Variants in ETV6 observed in about 807,000 individuals in gnomAD.
ETV6 encodes the protein ETS variant transcription factor 6, also known as transcription factor ETV6.
A neutral mutation model predicts 51.1 loss-of-function variants in ETV6; 16 were observed. The ratio of observed to expected loss-of-function variants is 0.31; its 90% CI spans 0.21 to 0.48. The LOEUF (loss-of-function observed/expected upper bound fraction) is 0.48, where lower values mean the gene tolerates loss of function less well. Ranked by LOEUF, ETV6 falls within the 20% of genes least tolerant of loss-of-function variation. The pLI is 0.99. For missense variants in ETV6, 458 were observed against 594.8 expected, an observed-to-expected ratio of 0.77 and a Z score of 2.39; for synonymous variants, 240 against 224.1, an observed-to-expected ratio of 1.07 and a Z score of -0.64.
At chr12:11,859,320 T>C (rs1272741965) in intron 4 of ETV6, among the ~76,000 whole-genome samples, 1 of 151,654 alleles carries the variant, frequency 6.6e-6, no homozygotes, top group Admixed American at 6.6e-5. Context: ...TTTTTGTATT[T>C]TTAGTAGAGA....
At chr12:11,846,464 A>G (rs991827545) in intron 3 of ETV6, among the ~76,000 whole-genome samples, 1 of 152,260 alleles carries the variant, frequency 6.6e-6, no homozygotes, top group East Asian at 1.9e-4. Context: ...GGCTCTAGGT[A>G]GCATTGCAGA....
chr12:11,894,493 G>T lies in ETV6; in HGVS notation c.*3447G>T. 4.3e-6 allele frequency: 1 copy of T among 233,076 alleles called. No homozygotes were observed. The highest frequency in any genetic ancestry group is 8.5e-6 in the Non-Finnish European group (1 of 118,014). The allele number at this position is 233,076 out of a possible 1,614,324, so 14.4% of individuals were successfully genotyped here. The stretch of plus-strand genomic sequence containing the variant: ...GTTCCAAATCCTTTAGGGAGATGAG[G>T]GTATCCCCACAGAAAAAGAGGAATA... On this transcript the variant is annotated 3_prime_UTR_variant, in exon 8 of 8. Coordinates refer to ENST00000396373, the MANE Select transcript of ETV6 (RefSeq NM_001987.5).
intron 2 of ETV6, among the ~76,000 whole-genome samples, chr12:11,753,393 A>G (rs1457938019): frequency 6.6e-6 from 1 of 152,188 alleles, no homozygotes; most frequent in East Asian, 1.9e-4. Flanking sequence ...GGGCAGCTGG[A>G]GAGACTGAAT....
intron 2 of ETV6, among the ~76,000 whole-genome samples, chr12:11,831,621 A>G (rs571880866): frequency 1.3e-5 from 2 of 152,314 alleles, no homozygotes; most frequent in Admixed American, 6.5e-5. Flanking sequence ...TATCACCTAC[A>G]ATTTTACTGA....
chr12:11,807,315 C>T (rs1291122571), intron 2 of ETV6, among the ~76,000 whole-genome samples: 3 of 152,140 alleles, frequency 2.0e-5, no homozygotes, highest in Non-Finnish European at 4.4e-5. Context: ...TGGTAGTATA[C>T]GCCAACATCA....
At chr12:11,787,903 C>T (rs1945512722) in intron 2 of ETV6, among the ~76,000 whole-genome samples, 1 of 152,060 alleles carries the variant, frequency 6.6e-6, no homozygotes, top group African/African-American at 2.4e-5. Context: ...AGAGGAGAAA[C>T]CTCCCTATAG....
chr12:11,722,710 G>A (rs1378248578), intron 1 of ETV6, among the ~76,000 whole-genome samples: 2 of 152,218 alleles, frequency 1.3e-5, no homozygotes, highest in African/African-American at 4.8e-5. Context: ...CCTAAACTGA[G>A]AGAAATGGAC....
chr12:11,713,944 A>G (rs1461434285), intron 1 of ETV6, among the ~76,000 whole-genome samples: 3 of 152,246 alleles, frequency 2.0e-5, no homozygotes, highest in Non-Finnish European at 2.9e-5. Context: ...GTTCTAGTCT[A>G]GAACCTTACT....
chr12:11,662,658 T>C (rs940373668), intron 1 of ETV6, among the ~76,000 whole-genome samples: 2 of 152,194 alleles, frequency 1.3e-5, no homozygotes, highest in Non-Finnish European at 2.9e-5. Context: ...TGAATGTGAG[T>C]TCACAACCCC....
intron 5 of ETV6, among the ~76,000 whole-genome samples, chr12:11,883,450 T>C (rs1473778458): frequency 6.6e-6 from 1 of 151,800 alleles, no homozygotes; most frequent in Non-Finnish European, 1.5e-5. Flanking sequence ...CACGCCACCA[T>C]GCCTGGCTAA....
At chr12:11,702,475 C>A (rs1251238771) in intron 1 of ETV6, among the ~76,000 whole-genome samples, 1 of 152,184 alleles carries the variant, frequency 6.6e-6, no homozygotes, top group Non-Finnish European at 1.5e-5. Context: ...TCATAGTCTT[C>A]ATGGGCTAAG....
At chr12:11,754,279 C>G (rs1299165668) in intron 2 of ETV6, among the ~76,000 whole-genome samples, 1 of 152,124 alleles carries the variant, frequency 6.6e-6, no homozygotes, top group Non-Finnish European at 1.5e-5. Context: ...GAAAAAACTC[C>G]CCTGCTCTTG....
At chr12:11,873,207 C>T (rs1371247243) in intron 5 of ETV6, among the ~76,000 whole-genome samples, 1 of 152,204 alleles carries the variant, frequency 6.6e-6, no homozygotes, top group African/African-American at 2.4e-5. Flanking sequence ...AGGACTGAAT[C>T]ATCCCTAAAG....
chr12:11,801,589 T>C (rs189852636), intron 2 of ETV6, among the ~76,000 whole-genome samples: 19 of 152,356 alleles, frequency 1.2e-4, no homozygotes, highest in Admixed American at 4.6e-4. Context: ...AATACTGTTA[T>C]GGTTAAGCTA....
At chr12:11,736,240 A>C (rs764178810) in intron 1 of ETV6, among the ~76,000 whole-genome samples, 1 of 152,196 alleles carries the variant, frequency 6.6e-6, no homozygotes, top group Non-Finnish European at 1.5e-5. Flanking sequence ...TTCACCAGAC[A>C]ATTGTTGAGT....
At chr12:11,813,175 C>T (rs1164023088) in intron 2 of ETV6, among the ~76,000 whole-genome samples, 3 of 152,236 alleles carry the variant, frequency 2.0e-5, no homozygotes, top group Non-Finnish European at 4.4e-5. Context: ...TACAGGAAAT[C>T]AGAATTTTCC....
intron 2 of ETV6, among the ~76,000 whole-genome samples, chr12:11,769,641 T>C (rs992479948): frequency 3.3e-5 from 5 of 152,180 alleles, no homozygotes; most frequent in Admixed American, 6.5e-5. Flanking sequence ...GTGGGGTCTT[T>C]TAAAAAATTC....
intron 2 of ETV6, among the ~76,000 whole-genome samples, chr12:11,792,415 G>A (rs1017804499): frequency 5.3e-5 from 8 of 152,178 alleles, no homozygotes; most frequent in Admixed American, 1.3e-4. Context: ...TCGGCCAGGC[G>A]AGGTGGCTCA....
chr12:11,864,230 TC>T (rs1211988967), intron 4 of ETV6, among the ~76,000 whole-genome samples: 5 of 152,176 alleles, frequency 3.3e-5, no homozygotes, highest in Non-Finnish European at 7.3e-5. Flanking sequence ...CTCCCAGACT[TC>T]CTAAGGCCTG....
Sources: gnomAD v4.1 joint callset for allele counts (sites outside exome capture counted in the v4.1 genomes callset) on GRCh38, gnomAD v4.1.1 for gene constraint, MANE v1.5 for transcripts, NCBI Gene and HGNC (gene_info 2026-07-23, HGNC 2026-07-21) for gene names.